The following PTER variants were observed in gnomAD, a reference collection of about 807,000 sequenced individuals.
The protein encoded by PTER is N-acetyltaurine hydrolase.
In PTER, 38 loss-of-function variants were observed where a neutral mutation model predicts 29.6. The observed-to-expected ratio is 1.28, with a 90% CI of 0.99 to 1.68. The LOEUF is 1.68. Among genes scored for constraint, PTER ranks in the 40% most tolerant of loss-of-function variants. The pLI, the probability that PTER is intolerant of heterozygous loss-of-function variation, is 0.00. For synonymous variants in PTER, 172 were observed against 154.5 expected (o/e 1.11, Z -0.84); for missense variants, 482 against 427.8 (o/e 1.13, Z -1.12).
chr10:16,467,539 C>G (rs1834881562), intron 1 of PTER, among the ~76,000 whole-genome samples: 1 of 152,172 alleles, frequency 6.6e-6, no homozygotes, highest in South Asian at 2.1e-4. Context: ...CTGCCGGGCT[C>G]AGTGACTCAT....
chr10:16,470,031 T>A (rs1373765509), intron 1 of PTER, among the ~76,000 whole-genome samples: 1 of 152,180 alleles, frequency 6.6e-6, no homozygotes, highest in Non-Finnish European at 1.5e-5. Flanking sequence ...AAGGTTGCTA[T>A]CTATTGTTAT....
chr10:16,466,353 A>G (rs1462105462), intron 1 of PTER, among the ~76,000 whole-genome samples: 1 of 150,944 alleles, frequency 6.6e-6, no homozygotes, highest in Non-Finnish European at 1.5e-5. Flanking sequence ...AAAAACAGGT[A>G]TCTGCACTGA....
chr10:16,438,065 G>T (rs977527438), intron 1 of PTER, among the ~76,000 whole-genome samples: 5 of 152,302 alleles, frequency 3.3e-5, no homozygotes, highest in Non-Finnish European at 5.9e-5. Context: ...GAGTGCAGTG[G>T]TGCGATCTCG....
chr10:16,451,385 A>G (rs940480247), intron 1 of PTER, among the ~76,000 whole-genome samples: 2 of 152,326 alleles, frequency 1.3e-5, no homozygotes, highest in East Asian at 1.9e-4. Context: ...TTGACACTCA[A>G]TATTAACCAT....
intron 4 of PTER, among the ~76,000 whole-genome samples, chr10:16,506,767 G>GA (rs911397667): frequency 6.7e-6 from 1 of 149,542 alleles, no homozygotes; most frequent in Admixed American, 6.6e-5. Context: ...TATCTCCTGA[G>GA]AAAAAAAGAG....
chr10:16,514,524 A>C, downstream of PTER: 3 of 1,611,954 alleles, frequency 1.9e-6, no homozygotes, highest in Non-Finnish European at 2.5e-6. Context: ...TAGTTTCTGC[A>C]TTATCAGTCA....
intron 4 of PTER, among the ~76,000 whole-genome samples, chr10:16,510,778 C>G (rs1214529499): frequency 6.6e-6 from 1 of 152,158 alleles, no homozygotes; most frequent in East Asian, 1.9e-4. Context: ...TAGAAGCTAT[C>G]TTTAATGCGG....
intron 3 of PTER, among the ~76,000 whole-genome samples, chr10:16,488,867 G>T (rs1053747605): frequency 2.0e-5 from 3 of 152,174 alleles, no homozygotes; most frequent in Non-Finnish European, 4.4e-5. Flanking sequence ...GCCTCTCAAA[G>T]TTCTGGGACT....
downstream of PTER, chr10:16,514,424 T>G (rs1588639725): frequency 1.1e-6 from 1 of 875,052 alleles, no homozygotes; most frequent in Non-Finnish European, 1.8e-6. Flanking sequence ...TATACACAAC[T>G]GAGGTGCCCT....
intron 4 of PTER, among the ~76,000 whole-genome samples, chr10:16,508,593 G>C (rs563631595): frequency 6.6e-6 from 1 of 151,976 alleles, no homozygotes. Flanking sequence ...TTCCTTCTTA[G>C]CTCCTTTTAG....
intron 3 of PTER, among the ~76,000 whole-genome samples, chr10:16,491,543 G>A (rs144256389): frequency 4.9e-4 from 74 of 152,194 alleles, no homozygotes; most frequent in African/African-American, 1.6e-3. Flanking sequence ...TTCATGCAAC[G>A]AAATGCACAG....
At chr10:16,493,305 G>A (rs1012933311) in intron 3 of PTER, among the ~76,000 whole-genome samples, 3 of 152,140 alleles carry the variant, frequency 2.0e-5, no homozygotes, top group East Asian at 1.9e-4. Flanking sequence ...GCAAAACATC[G>A]TGATATCGTT....
At chr10:16,507,201 C>CATATATATATAT (rs55959560) in intron 4 of PTER, among the ~76,000 whole-genome samples, 2,058 of 140,316 alleles carry the variant, frequency 0.015, 26 homozygotes, top group African/African-American at 0.023. Flanking sequence ...GTGGGTGGAG[C>CATATATATATAT]ATATATATAT....
intron 1 of PTER, among the ~76,000 whole-genome samples, chr10:16,456,038 G>A (rs1834383905): frequency 6.6e-6 from 1 of 152,116 alleles, no homozygotes; most frequent in Admixed American, 6.5e-5. Flanking sequence ...ATCATCCCCG[G>A]AATGCTGTGA....
chr10:16,488,401 T>C (rs1016232593), intron 3 of PTER, among the ~76,000 whole-genome samples: 3 of 152,196 alleles, frequency 2.0e-5, no homozygotes, highest in Non-Finnish European at 2.9e-5. Flanking sequence ...ATGATACTTT[T>C]TAAACATTGT....
intron 1 of PTER, among the ~76,000 whole-genome samples, chr10:16,450,818 T>C (rs1486298156): frequency 6.6e-6 from 1 of 152,158 alleles, no homozygotes; most frequent in Non-Finnish European, 1.5e-5. Context: ...TCTCCACATA[T>C]GGTCAAAGGT....
intron 1 of PTER, among the ~76,000 whole-genome samples, chr10:16,457,984 A>C (rs932364501): frequency 1.3e-5 from 2 of 152,222 alleles, no homozygotes; most frequent in Admixed American, 1.3e-4. Context: ...TATAAACCTG[A>C]TTAAATTGCA....
intron 4 of PTER, among the ~76,000 whole-genome samples, chr10:16,507,904 A>G (rs34076222): frequency 0.3 from 46,255 of 151,976 alleles, 7,096 homozygotes; most frequent in South Asian, 0.38. Context: ...CTAAAGCCCT[A>G]GTAGTTAGTT....
At chr10:16,506,154 G>A (rs560490209) in intron 4 of PTER, among the ~76,000 whole-genome samples, 53 of 152,308 alleles carry the variant, frequency 3.5e-4, no homozygotes, top group Middle Eastern at 3.4e-3. Flanking sequence ...GCATCCATTG[G>A]ATTTCACAAT....
Sources: allele counts gnomAD v4.1 joint callset (sites outside exome capture counted in the v4.1 genomes callset), GRCh38; gene constraint gnomAD v4.1.1; transcripts MANE v1.5; gene names NCBI Gene and HGNC (gene_info 2026-07-23, HGNC 2026-07-21).